RASEF: variants seen among roughly 807,000 people sequenced by gnomAD.
The protein encoded by RASEF is RAS and EF-hand domain containing.
RASEF carries 68 observed loss-of-function variants against 90.1 expected under a neutral mutation model. The ratio of observed to expected loss-of-function variants is 0.75; its 90% confidence interval spans 0.62 to 0.92. The LOEUF (loss-of-function observed/expected upper bound fraction) is 0.92, where lower values mean the gene tolerates loss of function less well. Ranked by LOEUF, RASEF falls within the 40% of genes least tolerant of loss-of-function variation. The pLI is 0.00. For missense variants in RASEF, 949 were observed against 937.2 expected (o/e 1.01, Z -0.16); for synonymous variants, 331 against 345.2 (o/e 0.96, Z 0.46).
chr9:82,987,398 AGC>A lies in RASEF; in HGVS notation c.2117+2991_2117+2992del, dbSNP rs1828729105. On this transcript the variant is annotated intron_variant, in intron 16 of 16. Transcript: ENST00000376447. ...TTATCTTATTTCTTTACTTGTCTAAAGCTTTTTAAAATAACTATAACCTATCC... is the reference window on the plus strand; with the variant it reads ...TTATCTTATTTCTTTACTTGTCTAAATTTTTAAAATAACTATAACCTATCC... 5.3e-5 allele frequency among the ~76,000 whole-genome samples: 8 copies of A among 152,370 alleles called. No individual in the cohort carries two copies. The South Asian group carries it at 1.7e-3, about 32-fold the overall frequency.
upstream of RASEF, among the ~76,000 whole-genome samples, chr9:83,064,601 A>G (rs1346406818): frequency 6.6e-6 from 1 of 152,358 alleles, no homozygotes; most frequent in East Asian, 1.9e-4. Context: ...GTCTTTAAAA[A>G]TAGATGCTTT....
the RASEF span, among the ~76,000 whole-genome samples, chr9:83,127,504 A>G: frequency 7.9e-5 from 12 of 152,222 alleles, no homozygotes; most frequent in Non-Finnish European, 1.5e-4. Context: ...GCTCAAAGAG[A>G]GAGAATGAGA....
chr9:83,121,841 G>T, the RASEF span, among the ~76,000 whole-genome samples: 1 of 152,024 alleles, frequency 6.6e-6, no homozygotes, highest in Non-Finnish European at 1.5e-5. Flanking sequence ...CAATGACTCT[G>T]AAATCCCATT....
chr9:83,207,790 T>C, the RASEF span, among the ~76,000 whole-genome samples: 2 of 152,106 alleles, frequency 1.3e-5, no homozygotes, highest in Non-Finnish European at 2.9e-5. Flanking sequence ...ATATTTTTAG[T>C]AGAGATGGGA....
chr9:83,187,868 G>A, the RASEF span, among the ~76,000 whole-genome samples: 1 of 152,148 alleles, frequency 6.6e-6, no homozygotes, highest in Non-Finnish European at 1.5e-5. Flanking sequence ...TTTCCCCTGT[G>A]TAACAGCAAC....
chr9:82,992,720 C>A (rs1828836617), intron 15 of RASEF, among the ~76,000 whole-genome samples, 186 bp downstream of exon 15: 1 of 152,168 alleles, frequency 6.6e-6, no homozygotes, highest in African/African-American at 2.4e-5. Context: ...TCCCAAGGGA[C>A]TTAATCCTTG....
the RASEF span, among the ~76,000 whole-genome samples, chr9:83,198,794 C>T: frequency 1.3e-5 from 2 of 149,462 alleles, no homozygotes; most frequent in Admixed American, 6.8e-5. Context: ...GAAGGAGCAG[C>T]TTTCTGTTCC....
chr9:82,999,276 A>G (rs1828979697), intron 12 of RASEF, among the ~76,000 whole-genome samples: 1 of 152,240 alleles, frequency 6.6e-6, no homozygotes, highest in Non-Finnish European at 1.5e-5. Flanking sequence ...GTAACGGATC[A>G]TATATCTGGC....
chr9:83,128,992 T>G, the RASEF span, among the ~76,000 whole-genome samples: 1 of 152,218 alleles, frequency 6.6e-6, no homozygotes, highest in Non-Finnish European at 1.5e-5. Flanking sequence ...CAGAGAAAAG[T>G]GTTCAAATCA....
intron 9 of RASEF, 108 bp downstream of exon 9, chr9:83,004,385 ATAAAT>A: frequency 1.6e-6 from 1 of 611,538 alleles, no homozygotes; most frequent in South Asian, 2.4e-5. Flanking sequence ...CATAGAAAAT[ATAAAT>A]TAGTGACCAA....
chr9:83,111,797 C>T, the RASEF span, among the ~76,000 whole-genome samples: 2 of 151,756 alleles, frequency 1.3e-5, no homozygotes, highest in East Asian at 1.9e-4. Flanking sequence ...GGTATCAAAG[C>T]CTTTTAAACT....
the RASEF span, among the ~76,000 whole-genome samples, chr9:83,126,066 C>T: frequency 6.6e-6 from 1 of 152,234 alleles, no homozygotes; most frequent in Admixed American, 6.5e-5. Context: ...GGCCTAGGCA[C>T]ATTACTTAGC....
intron 1 of RASEF, among the ~76,000 whole-genome samples, chr9:83,035,729 AT>A (rs1270104907): frequency 3.3e-5 from 5 of 151,916 alleles, no homozygotes; most frequent in African/African-American, 1.2e-4. Flanking sequence ...ATGGAAAAAA[AT>A]ATTTCTACTT....
In RASEF at chr9:83,019,956, G is replaced by A. The variant is rs114337639; in HGVS notation, c.669+2380C>T. 2.7e-3 allele frequency among the ~76,000 whole-genome samples: 407 copies of A among 152,294 alleles called. 1 individual carries two copies. The highest frequency in any genetic ancestry group is 8.9e-3 in the African/African-American group (371 of 41,554). On this transcript the variant is annotated intron_variant, in intron 3 of 16. Coordinates refer to ENST00000376447, the MANE Select transcript of RASEF (RefSeq NM_152573.4). ...GAAGGAAGGCTTGTTATGCCTTCAAGGGGCATGAAGAAACTTCGAGGGTGG... is the reference window on the plus strand; with the variant it reads ...GAAGGAAGGCTTGTTATGCCTTCAAAGGGCATGAAGAAACTTCGAGGGTGG...
chr9:83,143,124 C>G, the RASEF span, among the ~76,000 whole-genome samples: 1 of 152,056 alleles, frequency 6.6e-6, no homozygotes, highest in African/African-American at 2.4e-5. Context: ...ATTCATGATC[C>G]CACAGTTGAC....
chr9:83,173,389 G>A, the RASEF span, among the ~76,000 whole-genome samples: 2 of 151,420 alleles, frequency 1.3e-5, no homozygotes, highest in Non-Finnish European at 2.9e-5. Flanking sequence ...TCCCTTTTGA[G>A]GCTATTTTCT....
chr9:83,019,450 G>C (rs1358719932), intron 3 of RASEF, among the ~76,000 whole-genome samples: 1 of 152,098 alleles, frequency 6.6e-6, no homozygotes, highest in African/African-American at 2.4e-5. Flanking sequence ...AATGCTGAAA[G>C]AATGGGACTC....
the RASEF span, among the ~76,000 whole-genome samples, chr9:83,160,466 G>A: frequency 6.6e-6 from 1 of 152,096 alleles, no homozygotes; most frequent in African/African-American, 2.4e-5. Flanking sequence ...AGATGATTTA[G>A]GGTTGGTGGA....
intron 1 of RASEF, among the ~76,000 whole-genome samples, chr9:83,038,328 C>G (rs557355437): frequency 6.6e-6 from 1 of 152,074 alleles, no homozygotes; most frequent in Non-Finnish European, 1.5e-5. Context: ...TTAGAATTTA[C>G]TCTACAATTA....
Sources: allele counts gnomAD v4.1 joint callset (sites outside exome capture counted in the v4.1 genomes callset), GRCh38; gene constraint gnomAD v4.1.1; transcripts MANE v1.5; gene names NCBI Gene and HGNC (gene_info 2026-07-23, HGNC 2026-07-21).